SEMA5B: variants seen among roughly 807,000 people sequenced by gnomAD.
SEMA5B encodes the protein semaphorin 5B.
A neutral mutation model predicts 135.0 loss-of-function variants in SEMA5B; 66 were observed. The ratio of observed to expected loss-of-function variants is 0.49; its 90% CI spans 0.40 to 0.60. The LOEUF (loss-of-function observed/expected upper bound fraction) is 0.60, where lower values mean the gene tolerates loss of function less well. Ranked by LOEUF, SEMA5B falls within the 20% of genes least tolerant of loss-of-function variation. The pLI is 0.00. For synonymous variants in SEMA5B, 690 were observed against 639.5 expected (o/e 1.08, Z -1.19); for missense variants, 1,501 against 1,566.3 (o/e 0.96, Z 0.70).
chr3:122,915,944 C>T, intron 12 of SEMA5B, 54 bp from the exon 13 acceptor site: 1 of 1,372,860 alleles, frequency 7.3e-7, no homozygotes, highest in Middle Eastern at 2.0e-4. Context: ...GCCTCACCTG[C>T]ATCTCAGGAA....
chr3:122,940,820 T>C (rs1052758238), intron 4 of SEMA5B, among the ~76,000 whole-genome samples: 1 of 152,192 alleles, frequency 6.6e-6, no homozygotes, highest in Non-Finnish European at 1.5e-5. Context: ...CCCAAGTCCT[T>C]AGCAGAGCTC....
intron 2 of SEMA5B, among the ~76,000 whole-genome samples, chr3:122,950,686 T>C (rs372433496): frequency 2.0e-5 from 3 of 152,344 alleles, no homozygotes; most frequent in African/African-American, 2.4e-5. Flanking sequence ...CTGTGACAGA[T>C]TGTAAATTGA....
chr3:122,998,076 C>G (rs1005113454), intron 1 of SEMA5B, among the ~76,000 whole-genome samples: 2 of 152,214 alleles, frequency 1.3e-5, no homozygotes, highest in Non-Finnish European at 2.9e-5. Context: ...AAGGCCACAG[C>G]CTGTCAAGAT....
intron 1 of SEMA5B, among the ~76,000 whole-genome samples, chr3:123,006,710 C>A (rs1054341079): frequency 6.6e-6 from 1 of 152,124 alleles, no homozygotes; most frequent in African/African-American, 2.4e-5. Flanking sequence ...CCAAGGGAAG[C>A]CTTGGTCTTC....
intron 1 of SEMA5B, among the ~76,000 whole-genome samples, chr3:123,013,954 G>C (rs1392385337): frequency 2.6e-5 from 4 of 152,236 alleles, no homozygotes; most frequent in Non-Finnish European, 5.9e-5. Context: ...CCACAGGAAG[G>C]AAACGGTGAG....
intron 21 of SEMA5B, 106 bp downstream of exon 21, chr3:122,911,385 C>A: frequency 6.4e-7 from 1 of 1,554,728 alleles, no homozygotes; most frequent in South Asian, 1.2e-5. Flanking sequence ...GGGACCCCAA[C>A]AAAGCTTGGC....
At chr3:122,962,323 C>A (rs928989149) in intron 1 of SEMA5B, among the ~76,000 whole-genome samples, 15 of 152,186 alleles carry the variant, frequency 9.9e-5, no homozygotes, top group Non-Finnish European at 8.8e-5. Context: ...GCAAATGGAT[C>A]CCGGCCAGTC....
intron 1 of SEMA5B, among the ~76,000 whole-genome samples, chr3:122,986,075 T>C (rs895299826): frequency 6.6e-6 from 1 of 152,260 alleles, no homozygotes; most frequent in African/African-American, 2.4e-5. Flanking sequence ...TCTCCTTTCT[T>C]TTCACAATTC....
At chr3:122,963,499 AAAAAAGAAAAAG>A (rs1553778090) in intron 1 of SEMA5B, among the ~76,000 whole-genome samples, 64 of 151,638 alleles carry the variant, frequency 4.2e-4, no homozygotes, top group African/African-American at 1.2e-3. Flanking sequence ...ACTCAAAAAA[AAAAAAGAAAAAG>A]AAAAAGAAAA....
intron 4 of SEMA5B, among the ~76,000 whole-genome samples, chr3:122,941,152 G>T (rs912861089): frequency 8.5e-5 from 13 of 152,066 alleles, no homozygotes; most frequent in Non-Finnish European, 1.8e-4. Context: ...CAAGAAGAAG[G>T]GAAGACAATG....
intron 1 of SEMA5B, chr3:122,993,042 C>T (rs909722038): frequency 2.0e-5 from 3 of 152,310 alleles, no homozygotes; most frequent in Non-Finnish European, 4.4e-5. Context: ...AGTTCTCAGT[C>T]CAGGGGAGCC....
Position 122,913,275 on chromosome 3 carries a change from G to A in SEMA5B, c.2430C>T (p.His810=), listed in dbSNP as rs761795926. Residue 810 remains histidine (H), a synonymous_variant, in exon 17 of 23, where the codon CAC becomes CAT. Transcript: ENST00000357599. The part of the protein sequence containing the change: ...FTCRAPLADP[H]GLQFGRRRTE... ...TCCTTCTCCTGCCGAACTGCAGGCCGTGCGGGTCTGCAAGGGGCGCGCGGC... is the reference window on the plus strand; with the variant it reads ...TCCTTCTCCTGCCGAACTGCAGGCCATGCGGGTCTGCAAGGGGCGCGCGGC... The A allele has an allele frequency of 1.9e-6, 3 of 1,583,918 alleles. No individual in the cohort carries two copies. The highest frequency in any genetic ancestry group is 2.6e-6 in the Non-Finnish European group (3 of 1,173,682).
chr3:123,010,115 G>T (rs1183968738), intron 1 of SEMA5B, among the ~76,000 whole-genome samples: 3 of 152,210 alleles, frequency 2.0e-5, no homozygotes, highest in Non-Finnish European at 4.4e-5. Flanking sequence ...GCTGGCTCTG[G>T]ATGGGTGAGA....
intron 5 of SEMA5B, among the ~76,000 whole-genome samples, chr3:122,936,220 G>GT (rs1427029409): frequency 2.0e-5 from 3 of 152,192 alleles, no homozygotes; most frequent in African/African-American, 7.2e-5. Context: ...TAGCTGTGTG[G>GT]TTTTCACGCT....
chr3:122,980,770 A>G (rs550612389), intron 1 of SEMA5B, among the ~76,000 whole-genome samples: 1 of 152,012 alleles, frequency 6.6e-6, no homozygotes, highest in Admixed American at 6.5e-5. Flanking sequence ...TCTAGCACCT[A>G]CTCATTTTTC....
At chr3:122,997,956 C>A (rs1037939917) in intron 1 of SEMA5B, among the ~76,000 whole-genome samples, 1 of 152,204 alleles carries the variant, frequency 6.6e-6, no homozygotes, top group African/African-American at 2.4e-5. Flanking sequence ...CACGCCCCCA[C>A]TTTAGGGCAT....
chr3:123,003,033 G>C (rs1447453364), intron 1 of SEMA5B, among the ~76,000 whole-genome samples: 2 of 152,034 alleles, frequency 1.3e-5, no homozygotes, highest in East Asian at 1.9e-4. Context: ...CAACAAGCAG[G>C]TATAGTTACC....
In SEMA5B at chr3:122,921,946, G is replaced by A. The variant is rs1188190068; in HGVS notation, c.1657C>T (p.Leu553=). The change falls in exon 12 of 23, where the codon CTG becomes TTG. Residue 553 remains leucine, a synonymous_variant. Coordinates refer to ENST00000357599, the MANE Select transcript of SEMA5B (RefSeq NM_001031702.4). ...GLRDGVLRVP[L]ERCAAYRSQG... ...CTGCGGTAGGCGGCGCACCTCTCCAGTGGGACCCGCAGGACGCCGTCTCTC... is the reference window on the plus strand; with the variant it reads ...CTGCGGTAGGCGGCGCACCTCTCCAATGGGACCCGCAGGACGCCGTCTCTC... 2.6e-6 allele frequency: 4 copies of A among 1,535,614 alleles called. No individual in the cohort carries two copies. The highest frequency in any genetic ancestry group is 2.6e-6 in the Non-Finnish European group (3 of 1,145,720).
intron 18 of SEMA5B, 132 bp from the exon 19 acceptor site, chr3:122,912,474 C>A (rs1211889746): frequency 6.0e-6 from 5 of 835,962 alleles, no homozygotes; most frequent in Non-Finnish European, 8.9e-6. Context: ...CCACCCGCCA[C>A]CCAACAGTCC....
Sources: gnomAD v4.1 joint callset for allele counts (sites outside exome capture counted in the v4.1 genomes callset) on GRCh38, gnomAD v4.1.1 for gene constraint, MANE v1.5 for transcripts, NCBI Gene and HGNC (gene_info 2026-07-23, HGNC 2026-07-21) for gene names.